PPARGC1A: variants seen among roughly 807,000 people sequenced by gnomAD.
PPARGC1A encodes PPARG coactivator 1 alpha.
A neutral mutation model predicts 88.7 loss-of-function variants in PPARGC1A; 25 were observed. The observed-to-expected ratio is 0.28, with a 90% CI of 0.21 to 0.39. The LOEUF (loss-of-function observed/expected upper bound fraction) is 0.39. Among genes scored for constraint, PPARGC1A ranks in the 10% least tolerant of loss-of-function variants. The pLI, the probability that PPARGC1A is intolerant of heterozygous loss-of-function variation, is 1.00. For synonymous variants in PPARGC1A, 363 were observed against 355.6 expected (o/e 1.02, Z -0.24); for missense variants, 880 against 968.7 (o/e 0.91, Z 1.22).
chr4:24,410,304 T>C, the PPARGC1A span, among the ~76,000 whole-genome samples: 1 of 151,686 alleles, frequency 6.6e-6, no homozygotes, highest in African/African-American at 2.4e-5. Context: ...CATACACATA[T>C]GTGTATGGAT....
the PPARGC1A span, among the ~76,000 whole-genome samples, chr4:24,062,215 G>C: frequency 6.6e-6 from 1 of 152,216 alleles, no homozygotes; most frequent in Non-Finnish European, 1.5e-5. Context: ...TAGTACTCAG[G>C]ATGCCCTGCA....
At chr4:24,077,061 A>G in the PPARGC1A span, among the ~76,000 whole-genome samples, 107 of 152,122 alleles carry the variant, frequency 7.0e-4, no homozygotes, top group African/African-American at 2.3e-3. Flanking sequence ...GTTTTTCTCA[A>G]TATATACCAG....
chr4:23,862,751 G>A (rs537802219), intron 2 of PPARGC1A, among the ~76,000 whole-genome samples: 11 of 152,278 alleles, frequency 7.2e-5, no homozygotes, highest in African/African-American at 2.4e-4. Context: ...GAAGCCTGGC[G>A]AATTATCAAA....
At chr4:24,081,007 C>CAGGCAGAACAT in the PPARGC1A span, among the ~76,000 whole-genome samples, 19 of 152,102 alleles carry the variant, frequency 1.2e-4, no homozygotes, top group East Asian at 3.7e-3. Flanking sequence ...TGCTTCTAGG[C>CAGGCAGAACAT]AGGCAGAACA....
chr4:24,034,384 C>T, the PPARGC1A span, among the ~76,000 whole-genome samples: 3 of 152,148 alleles, frequency 2.0e-5, no homozygotes, highest in African/African-American at 7.2e-5. Context: ...ACTATTAAAA[C>T]ATATGACATT....
chr4:24,273,299 T>G, the PPARGC1A span, among the ~76,000 whole-genome samples: 2 of 152,246 alleles, frequency 1.3e-5, no homozygotes, highest in Non-Finnish European at 2.9e-5. Context: ...ATATAGGTTA[T>G]TCACAACATG....
chr4:24,097,998 T>C, the PPARGC1A span, among the ~76,000 whole-genome samples: 1 of 152,236 alleles, frequency 6.6e-6, no homozygotes, highest in African/African-American at 2.4e-5. Flanking sequence ...CCTGTTAATA[T>C]AATTACATAA....
the PPARGC1A span, among the ~76,000 whole-genome samples, chr4:23,992,690 C>T: frequency 1.2e-3 from 168 of 138,600 alleles, 1 homozygote; most frequent in Admixed American, 3.8e-3. Flanking sequence ...TTGAAAGGCT[C>T]GATATAGCCC....
At chr4:24,188,203 CAGATAGAGCTG>C in the PPARGC1A span, among the ~76,000 whole-genome samples, 1 of 151,626 alleles carries the variant, frequency 6.6e-6, no homozygotes, top group Non-Finnish European at 1.5e-5. Flanking sequence ...AAAATGGTAC[CAGATAGAGCTG>C]AGAGGCAGGC....
chr4:24,058,706 G>A, the PPARGC1A span, among the ~76,000 whole-genome samples: 1 of 152,218 alleles, frequency 6.6e-6, no homozygotes, highest in Admixed American at 6.5e-5. Context: ...CAGCACTTTG[G>A]GAGGCAGAGT....
At chr4:24,385,823 G>A in the PPARGC1A span, among the ~76,000 whole-genome samples, 1 of 152,108 alleles carries the variant, frequency 6.6e-6, no homozygotes, top group African/African-American at 2.4e-5. Context: ...ACACAGAGGA[G>A]CTGGTACCAT....
the PPARGC1A span, among the ~76,000 whole-genome samples, chr4:24,199,513 A>G: frequency 6.6e-6 from 1 of 152,164 alleles, no homozygotes; most frequent in Non-Finnish European, 1.5e-5. Flanking sequence ...AGACTTGGAG[A>G]ATGAGTAGGA....
chr4:24,287,398 T>C, the PPARGC1A span, among the ~76,000 whole-genome samples: 1 of 152,124 alleles, frequency 6.6e-6, no homozygotes, highest in Non-Finnish European at 1.5e-5. Flanking sequence ...ATCAACTTCT[T>C]TAATGTTTAA....
the PPARGC1A span, among the ~76,000 whole-genome samples, chr4:24,419,394 A>G: frequency 6.8e-6 from 1 of 147,506 alleles, no homozygotes. Context: ...TTATGCAACA[A>G]CACAAACCCA....
At chr4:23,991,241 G>A in the PPARGC1A span, among the ~76,000 whole-genome samples, 16 of 151,966 alleles carry the variant, frequency 1.1e-4, no homozygotes, top group Non-Finnish European at 1.8e-4. Context: ...TTTTGAGAAG[G>A]GATGTAAAAG....
the PPARGC1A span, among the ~76,000 whole-genome samples, chr4:24,186,559 G>A: frequency 6.6e-6 from 1 of 152,266 alleles, no homozygotes; most frequent in African/African-American, 2.4e-5. Flanking sequence ...AATTAACTGA[G>A]TATGAATGCC....
the PPARGC1A span, among the ~76,000 whole-genome samples, chr4:23,918,229 CT>C: frequency 5.7e-4 from 80 of 140,434 alleles, no homozygotes; most frequent in African/African-American, 2.2e-3. Flanking sequence ...TTTTTTTTTT[CT>C]TTTTTTTGGG....
chr4:24,437,594 T>TTTTTTGTTG, the PPARGC1A span, among the ~76,000 whole-genome samples: 1 of 143,844 alleles, frequency 7.0e-6, no homozygotes, highest in East Asian at 2.8e-4. Context: ...GCACAGGTTT[T>TTTTTTGTTG]TTGTTGTTGT....
the PPARGC1A span, among the ~76,000 whole-genome samples, chr4:24,064,116 G>C: frequency 6.6e-6 from 1 of 152,180 alleles, no homozygotes; most frequent in Non-Finnish European, 1.5e-5. Context: ...AGGCTCTGAA[G>C]AGGAGCACAG....
Sources: gnomAD v4.1 joint callset for allele counts (sites outside exome capture counted in the v4.1 genomes callset) on GRCh38, gnomAD v4.1.1 for gene constraint, MANE v1.5 for transcripts, NCBI Gene and HGNC (gene_info 2026-07-23, HGNC 2026-07-21) for gene names.